The following CREM variants were observed in gnomAD, a reference collection of about 807,000 sequenced individuals.
CREM encodes the protein cAMP-responsive element modulator.
In CREM, 13 loss-of-function variants were observed where a neutral mutation model predicts 37.3. That is an observed-to-expected ratio of 0.35 (90% CI 0.23 to 0.55). The LOEUF is 0.55. Ranked by LOEUF, CREM falls within the 20% of genes least tolerant of loss-of-function variation. The pLI, the probability that CREM is intolerant of heterozygous loss-of-function variation, is 0.88. For missense variants in CREM, 296 were observed against 362.3 expected (o/e 0.82, Z 1.49); for synonymous variants, 124 against 120.2 (o/e 1.03, Z -0.21).
chr10:35,132,836 T>C (rs1271915530), intron 1 of CREM, among the ~76,000 whole-genome samples: 2 of 152,236 alleles, frequency 1.3e-5, no homozygotes, highest in Non-Finnish European at 2.9e-5. Context: ...CTCTTAATTT[T>C]TTAATCGACT....
intron 5 of CREM, among the ~76,000 whole-genome samples, chr10:35,187,540 G>A (rs183467146): frequency 2.6e-5 from 4 of 151,720 alleles, no homozygotes; most frequent in East Asian, 1.9e-4. Context: ...GTTTACAGGC[G>A]TGAGCCACTG....
intron 5 of CREM, among the ~76,000 whole-genome samples, chr10:35,187,877 G>T (rs1021117283): frequency 1.3e-5 from 2 of 152,152 alleles, no homozygotes; most frequent in Non-Finnish European, 2.9e-5. Flanking sequence ...GAGAAAACCA[G>T]GAAGCTGGAC....
At chr10:35,209,894 C>T (rs954228133) in intron 7 of CREM, among the ~76,000 whole-genome samples, 2 of 151,826 alleles carry the variant, frequency 1.3e-5, no homozygotes, top group Non-Finnish European at 2.9e-5. Context: ...TTTTGTTAAC[C>T]AGCTGAGAAG....
At position 35,127,213 on chromosome 10, in the gene CREM, C is replaced by G. The variant is rs2087929400; in HGVS notation, c.-55+20C>G. ...CGGCGGGTAAGTGGTGCGTCGGCTC[C>G]GGCCCCGAGACCCAGCAGCGGGCGA... On this transcript the variant is annotated intron_variant, in intron 1 of 7. Transcript: ENST00000685392. The G allele has an allele frequency of 2.0e-5, 3 of 153,132 alleles. No homozygotes were observed. The highest frequency in any genetic ancestry group is 4.4e-5 in the Non-Finnish European group (3 of 68,576). The allele number at this position is 153,132 out of a possible 1,614,324, so 9.5% of individuals were successfully genotyped here.
intron 3 of CREM, among the ~76,000 whole-genome samples, chr10:35,165,118 A>G (rs2093484906): frequency 6.6e-6 from 1 of 151,996 alleles, no homozygotes. Flanking sequence ...ATAATATATA[A>G]AGAAAAGAAG....
chr10:35,206,074 C>G (rs1398889369), intron 6 of CREM, among the ~76,000 whole-genome samples: 1 of 151,826 alleles, frequency 6.6e-6, no homozygotes, highest in African/African-American at 2.4e-5. Flanking sequence ...CGGTGAAACC[C>G]CGTCTCTACT....
chr10:35,182,176 G>C, intron 5 of CREM, among the ~76,000 whole-genome samples: 1 of 152,122 alleles, frequency 6.6e-6, no homozygotes, highest in East Asian at 1.9e-4. Flanking sequence ...TAATTGGAGG[G>C]TAAACATACT....
chr10:35,148,322 C>A, intron 2 of CREM, 46 bp from the exon 3 acceptor site: 2 of 1,569,202 alleles, frequency 1.3e-6, no homozygotes, highest in Non-Finnish European at 1.7e-6. Context: ...TTTCCAAATA[C>A]TTAAGATAGG....
chr10:35,168,547 T>C (rs1323297752), intron 3 of CREM, among the ~76,000 whole-genome samples: 2 of 152,208 alleles, frequency 1.3e-5, no homozygotes, highest in African/African-American at 4.8e-5. Flanking sequence ...ATTCTGTAGG[T>C]TGCCTCTTCA....
At chr10:35,178,702 A>G (rs1347506451) in intron 3 of CREM, among the ~76,000 whole-genome samples, 187 bp from the exon 4 acceptor site, 1 of 152,182 alleles carries the variant, frequency 6.6e-6, no homozygotes, top group African/African-American at 2.4e-5. Context: ...TTATAACTGA[A>G]ATGTTTGCGT....
intron 6 of CREM, among the ~76,000 whole-genome samples, chr10:35,196,960 C>T (rs2095207934): frequency 6.7e-6 from 1 of 149,814 alleles, no homozygotes; most frequent in African/African-American, 2.5e-5. Flanking sequence ...AGCTCCGCCT[C>T]CCAGGTTCAC....
chr10:35,193,897 C>T (rs375894981), intron 6 of CREM, among the ~76,000 whole-genome samples: 3 of 151,576 alleles, frequency 2.0e-5, no homozygotes, highest in African/African-American at 7.3e-5. Context: ...ATCAGGAGTT[C>T]GAGACCAGCC....
At chr10:35,204,450 A>G (rs1299345251) in intron 6 of CREM, among the ~76,000 whole-genome samples, 1 of 152,138 alleles carries the variant, frequency 6.6e-6, no homozygotes, top group Non-Finnish European at 1.5e-5. Context: ...AAATACAAAA[A>G]TTAGCTGGGC....
chr10:35,127,854 CT>C (rs34451255), intron 1 of CREM, among the ~76,000 whole-genome samples: 35 of 149,244 alleles, frequency 2.3e-4, no homozygotes, highest in Admixed American at 1.3e-3. Context: ...ATTAAACATA[CT>C]TTTTTTTTTT....
At chr10:35,183,451 T>A (rs989655414) in intron 5 of CREM, among the ~76,000 whole-genome samples, 1 of 152,202 alleles carries the variant, frequency 6.6e-6, no homozygotes, top group African/African-American at 2.4e-5. Context: ...TGTTTCAAAA[T>A]TTTTTAAGGC....
At chr10:35,137,736 G>A (rs1410300099) in intron 1 of CREM, 46 bp from the exon 2 acceptor site, 6 of 805,882 alleles carry the variant, frequency 7.4e-6, no homozygotes, top group Non-Finnish European at 1.1e-5. Context: ...AGTTTTTGAA[G>A]TGAAATGTTA....
At chr10:35,150,432 C>T (rs939012842) in intron 3 of CREM, among the ~76,000 whole-genome samples, 1 of 152,090 alleles carries the variant, frequency 6.6e-6, no homozygotes, top group Non-Finnish European at 1.5e-5. Flanking sequence ...GGGCTGAAGT[C>T]CCAGCAATAG....
rs1458606130 is a variant in CREM at position 35,212,622 on chromosome 10, G to C, written c.*1224G>C. 1 of 152,762 alleles carries C rather than the reference G, an allele frequency of 6.5e-6. No individual in the cohort carries two copies. Among genetic ancestry groups the C allele is most frequent in the Non-Finnish European group, 1.5e-5 (1 of 68,056 alleles). 9.5% of individuals were successfully genotyped at this position (152,762 alleles called of 1,614,324 possible). A position where few individuals can be genotyped will look rare whatever the true frequency, so the allele number is the denominator to read the frequency against. ...CACGCGCCCTTTCTACCATCTCACG[G>C]TGGGGATGGCCGCAGGGCTGTGCAC... is the stretch of plus-strand genomic sequence containing the variant. On this transcript the variant is annotated 3_prime_UTR_variant, in exon 8 of 8. Coordinates refer to ENST00000685392, the MANE Select transcript of CREM (RefSeq NM_183011.2).
intron 2 of CREM, among the ~76,000 whole-genome samples, chr10:35,147,074 G>A (rs568352759): frequency 3.8e-5 from 5 of 130,682 alleles, no homozygotes; most frequent in Non-Finnish European, 6.3e-5. Flanking sequence ...TTTTTAAGAC[G>A]GAGTCTCGCT....
Sources: gnomAD v4.1 joint callset for allele counts (sites outside exome capture counted in the v4.1 genomes callset) on GRCh38, gnomAD v4.1.1 for gene constraint, MANE v1.5 for transcripts, NCBI Gene and HGNC (gene_info 2026-07-23, HGNC 2026-07-21) for gene names.